The following MTMR2 variants were observed in gnomAD, a reference collection of about 807,000 sequenced individuals.
The protein encoded by MTMR2 is phosphatidylinositol-3,5-bisphosphate 3-phosphatase MTMR2.
A neutral mutation model predicts 86.9 loss-of-function variants in MTMR2; 55 were observed. The observed-to-expected ratio is 0.63, with a 90% CI of 0.51 to 0.79. MTMR2 has a LOEUF of 0.79. Among genes scored for constraint, MTMR2 ranks in the 30% least tolerant of loss-of-function variants. MTMR2 has a pLI of 0.00. For missense variants in MTMR2, 659 were observed against 772.3 expected, an observed-to-expected ratio of 0.85 and a Z score of 1.74; for synonymous variants, 241 against 266.8, an observed-to-expected ratio of 0.90 and a Z score of 0.94.
At chr11:95,842,395 T>G (rs1004281390) in intron 11 of MTMR2, among the ~76,000 whole-genome samples, 2 of 152,234 alleles carry the variant, frequency 1.3e-5, no homozygotes, top group African/African-American at 4.8e-5. Flanking sequence ...GTTCATATCT[T>G]GACCACTGAG....
intron 2 of MTMR2, among the ~76,000 whole-genome samples, chr11:95,870,967 A>G (rs1864856346): frequency 6.6e-6 from 1 of 150,830 alleles, no homozygotes; most frequent in Non-Finnish European, 1.5e-5. Context: ...ATTCCCACCT[A>G]TGAGTGAGAA....
intron 13 of MTMR2, among the ~76,000 whole-genome samples, chr11:95,836,685 C>T (rs1230511128): frequency 6.6e-6 from 1 of 151,984 alleles, no homozygotes; most frequent in East Asian, 1.9e-4. Flanking sequence ...AATATATCCA[C>T]ACAATGGAAT....
chr11:95,889,189 A>C (rs2135551474), intron 1 of MTMR2, among the ~76,000 whole-genome samples: 1 of 150,528 alleles, frequency 6.6e-6, no homozygotes, highest in South Asian at 2.1e-4. Flanking sequence ...GCTGGAGTGC[A>C]ATGGTGCGAT....
intron 1 of MTMR2, among the ~76,000 whole-genome samples, chr11:95,892,730 C>T (rs1865755560): frequency 6.6e-6 from 1 of 152,108 alleles, no homozygotes; most frequent in Non-Finnish European, 1.5e-5. Context: ...GTTTCCTACA[C>T]CCACTTTTCT....
intron 1 of MTMR2, among the ~76,000 whole-genome samples, chr11:95,904,893 C>T (rs1358230306): frequency 1.3e-5 from 2 of 152,100 alleles, no homozygotes; most frequent in Admixed American, 1.3e-4. Flanking sequence ...CTTCCAATTC[C>T]TCACTTCTCA....
chr11:95,835,179 T>C lies in MTMR2; in HGVS notation c.*111A>G. ...CTAGAGAGATTTAAAATAAATAAAG[T>C]GACTGAACTTTCTCTCATAGATGGG... On this transcript the variant is annotated 3_prime_UTR_variant, in exon 15 of 15. Coordinates refer to ENST00000346299, the MANE Select transcript of MTMR2 (RefSeq NM_016156.6). The C allele has an allele frequency of 8.8e-7, 1 of 1,133,852 alleles. No homozygotes were observed. 70.2% of individuals were successfully genotyped at this position (1,133,852 alleles called of 1,614,324 possible).
chr11:95,873,922 T>C (rs1864994306), intron 2 of MTMR2, among the ~76,000 whole-genome samples: 1 of 152,238 alleles, frequency 6.6e-6, no homozygotes, highest in African/African-American at 2.4e-5. Flanking sequence ...AGTTTCTTAA[T>C]CCTGAGTTCT....
At chr11:95,863,266 C>A (rs529200283) in intron 3 of MTMR2, among the ~76,000 whole-genome samples, 25 of 152,214 alleles carry the variant, frequency 1.6e-4, no homozygotes, top group African/African-American at 6.0e-4. Flanking sequence ...ACCCTTTCAA[C>A]GGGCTTCTGG....
chr11:95,835,408 G>A lies in MTMR2; in HGVS notation c.1814C>T (p.Ala605Val). ...TTCCTCTACTTTTTTCTGAAGCTCT[G>A]CTCGTTTAGCAAGAAGTTCTTTGTA... ...NRYKELLAKR[A>V]ELQKKVEELQ... is the part of the protein sequence containing the mutation. The change falls in exon 15 of 15, where the codon GCA (alanine) becomes GTA (valine). Residue 605 changes from alanine (A) to valine (V), a missense_variant. Physicochemically the swap from Ala to Val is moderately conservative, Grantham distance 64. This residue lies in a region of MTMR2 where 193 missense variants were observed against 191.6 expected (regional missense o/e 1.01). Transcript: ENST00000346299. The A allele has an allele frequency of 1.2e-6, 2 of 1,613,068 alleles. No homozygotes were observed. The highest frequency in any genetic ancestry group is 1.7e-6 in the Non-Finnish European group (2 of 1,179,280).
chr11:95,902,658 C>A (rs1866115144), intron 1 of MTMR2, among the ~76,000 whole-genome samples: 1 of 152,174 alleles, frequency 6.6e-6, no homozygotes, highest in South Asian at 2.1e-4. Flanking sequence ...ACCTTTATCT[C>A]TAGCTCTTCT....
At chr11:95,891,448 C>CT (rs1259655706) in intron 1 of MTMR2, among the ~76,000 whole-genome samples, 1 of 125,802 alleles carries the variant, frequency 7.9e-6, no homozygotes, top group Non-Finnish European at 1.8e-5. Flanking sequence ...AAGACTCTCA[C>CT]CAAAAAAAAA....
At chr11:95,863,847 T>G (rs1864510227) in intron 3 of MTMR2, among the ~76,000 whole-genome samples, 1 of 152,188 alleles carries the variant, frequency 6.6e-6, no homozygotes, top group Non-Finnish European at 1.5e-5. Flanking sequence ...TCATCATTAG[T>G]CTTTGCTTTG....
rs1198727885 is a variant in MTMR2 at position 95,837,674 on chromosome 11, T to C, written c.1593+420A>G. On this transcript the variant is annotated intron_variant, in intron 13 of 14. Transcript: ENST00000346299. Reference sequence around the variant, plus strand: ...TTTACAACTTAAAAAACTCAAAAACTTAACCTAAAATGTCTCAATAAGTAG... The same window carrying C: ...TTTACAACTTAAAAAACTCAAAAACCTAACCTAAAATGTCTCAATAAGTAG... Among the ~76,000 whole-genome samples the C allele has an allele frequency of 2.6e-5, 4 of 152,066 alleles. No homozygotes were observed. The East Asian group carries it at 7.7e-4, about 29-fold the overall frequency.
intron 3 of MTMR2, among the ~76,000 whole-genome samples, chr11:95,864,895 A>G (rs1864553630): frequency 6.6e-6 from 1 of 152,180 alleles, no homozygotes; most frequent in South Asian, 2.1e-4. Flanking sequence ...AAAATGAAAC[A>G]TGGTAGTTAT....
intron 1 of MTMR2, among the ~76,000 whole-genome samples, chr11:95,914,822 G>C (rs1377681763): frequency 6.6e-6 from 1 of 152,062 alleles, no homozygotes; most frequent in Non-Finnish European, 1.5e-5. Flanking sequence ...CACAGACCCT[G>C]AAGTCAAATG....
intron 1 of MTMR2, among the ~76,000 whole-genome samples, chr11:95,908,328 A>G (rs995482508): frequency 6.6e-6 from 1 of 152,288 alleles, no homozygotes; most frequent in East Asian, 1.9e-4. Flanking sequence ...CACTACTGAA[A>G]GAAATCAAAG....
intron 1 of MTMR2, among the ~76,000 whole-genome samples, chr11:95,903,459 C>T (rs991092262): frequency 6.6e-6 from 1 of 152,120 alleles, no homozygotes; most frequent in Non-Finnish European, 1.5e-5. Context: ...AGACCATACC[C>T]ACACAGTTGA....
At chr11:95,882,968 G>A (rs992105727) in intron 2 of MTMR2, among the ~76,000 whole-genome samples, 7 of 134,822 alleles carry the variant, frequency 5.2e-5, no homozygotes, top group Non-Finnish European at 9.1e-5. Context: ...GGATGGTCTC[G>A]ATCTCCTGAC....
intron 1 of MTMR2, among the ~76,000 whole-genome samples, chr11:95,912,080 C>A (rs1866527742): frequency 1.2e-5 from 1 of 86,348 alleles, no homozygotes. Context: ...GAAGTTAACA[C>A]AGGTGGGTTT....
Sources: allele counts gnomAD v4.1 joint callset (sites outside exome capture counted in the v4.1 genomes callset), GRCh38; gene constraint gnomAD v4.1.1; regional missense constraint gnomAD v4.1.1; transcripts MANE v1.5; gene names NCBI Gene and HGNC (gene_info 2026-07-23, HGNC 2026-07-21).